The following TRANK1 variants were observed in gnomAD, a reference collection of about 807,000 sequenced individuals.
The protein encoded by TRANK1 is tetratricopeptide repeat and ankyrin repeat containing 1, also known as TPR and ankyrin repeat-containing protein 1.
In TRANK1, 198 loss-of-function variants were observed where a neutral mutation model predicts 266.0. The observed-to-expected ratio is 0.74, with a 90% CI of 0.66 to 0.84. The LOEUF is 0.84. TRANK1 is among the 40% of genes least tolerant of loss of function. TRANK1 has a pLI of 0.00. For synonymous variants in TRANK1, 1,396 were observed against 1,384.1 expected (o/e 1.01, Z -0.19); for missense variants, 3,326 against 3,634.6 (o/e 0.92, Z 2.18).
intron 4 of TRANK1, 37 bp from the exon 5 acceptor site, chr3:36,895,795 G>C: frequency 7.2e-7 from 1 of 1,397,836 alleles, no homozygotes; most frequent in Non-Finnish European, 9.7e-7. Flanking sequence ...ATTTTAATGT[G>C]GGGAAAGTCT....
At chr3:36,932,070 G>C (rs2080367454) in intron 1 of TRANK1, among the ~76,000 whole-genome samples, 1 of 152,200 alleles carries the variant, frequency 6.6e-6, no homozygotes, top group South Asian at 2.1e-4. Flanking sequence ...CTTTAGTGCA[G>C]TTTTATGTAA....
At chr3:36,911,762 T>A (rs1295393231) in intron 1 of TRANK1, among the ~76,000 whole-genome samples, 1 of 152,196 alleles carries the variant, frequency 6.6e-6, no homozygotes, top group Non-Finnish European at 1.5e-5. Flanking sequence ...ACTGACCAAC[T>A]GATGATTTAT....
chr3:36,937,062 ACTCCAGCC>A (rs1172436787), intron 1 of TRANK1, among the ~76,000 whole-genome samples: 2 of 152,190 alleles, frequency 1.3e-5, no homozygotes, highest in Admixed American at 1.3e-4. Context: ...ATGCCACTGC[ACTCCAGCC>A]TGGGTGACAG....
At chr3:36,934,663 G>C (rs929597767) in intron 1 of TRANK1, among the ~76,000 whole-genome samples, 2 of 152,144 alleles carry the variant, frequency 1.3e-5, no homozygotes, top group African/African-American at 4.8e-5. Context: ...TTCATTCCAG[G>C]TGGCCACAAG....
At chr3:36,882,685 C>T (rs185331765) in intron 8 of TRANK1, among the ~76,000 whole-genome samples, 1 of 152,108 alleles carries the variant, frequency 6.6e-6, no homozygotes, top group East Asian at 1.9e-4. Context: ...TGACAAAAAA[C>T]AACAAAGTCA....
Position 36,864,427 on chromosome 3 carries a change from A to T in TRANK1, c.1132T>A (p.Leu378Met). ...TTCATATACTTCACCAGCTGCTCCA[A>T]GACCTTCCTGAAAATGTCGTTTTCA... ...TSENDIFRKV[L>M]EQLVKYMNSG... Residue 378 changes from leucine (L) to methionine (M), a missense_variant, in exon 10 of 24, where the codon TTG becomes ATG. Physicochemically the swap from Leu to Met is conservative, Grantham distance 15. Transcript: ENST00000645898. 6.5e-7 allele frequency: 1 copy of T among 1,536,710 alleles called. No homozygotes were observed. The highest frequency in any genetic ancestry group is 8.7e-7 in the Non-Finnish European group (1 of 1,146,716).
chr3:36,936,458 C>A (rs1451155890), intron 1 of TRANK1, among the ~76,000 whole-genome samples: 2 of 151,396 alleles, frequency 1.3e-5, no homozygotes, highest in African/African-American at 4.9e-5. Context: ...TGCACTCCAG[C>A]CTGGGTGACA....
At chr3:36,834,639 T>G (rs1428815662) in intron 21 of TRANK1, 123 bp downstream of exon 21, 2 of 1,145,950 alleles carry the variant, frequency 1.7e-6, no homozygotes, top group Non-Finnish European at 2.4e-6. Context: ...ATCGCTTAAG[T>G]GGAAAGGGAG....
intron 18 of TRANK1, among the ~76,000 whole-genome samples, chr3:36,842,321 A>C (rs1414843747): frequency 2.0e-5 from 3 of 152,272 alleles, no homozygotes; most frequent in Non-Finnish European, 4.4e-5. Context: ...GGCATAGAGT[A>C]CAGGAGGGAA....
chr3:36,879,328 C>G (rs2079438610), intron 8 of TRANK1, among the ~76,000 whole-genome samples: 1 of 151,222 alleles, frequency 6.6e-6, no homozygotes, highest in Admixed American at 6.6e-5. Flanking sequence ...AATAATATAC[C>G]ATGGTATTGA....
At position 36,889,488 on chromosome 3, in the gene TRANK1, C is replaced by T. The variant is rs529936169; in HGVS notation, c.907+341G>A. 2.0e-5 allele frequency among the ~76,000 whole-genome samples: 3 copies of T among 152,288 alleles called. No homozygotes were observed. In the East Asian group the frequency reaches 5.8e-4, roughly 29 times the overall value. On this transcript the variant is annotated intron_variant, in intron 8 of 23. Coordinates refer to ENST00000645898, the MANE Select transcript of TRANK1 (RefSeq NM_001329998.2). The stretch of plus-strand genomic sequence containing the variant: ...TCAGTTCACAATTCCTCTCTACCAG[C>T]TAACACAGATTTGGCATAAAATAAA...
Position 36,879,563 on chromosome 3 carries a change from TAAATATATAAATATATATAAATATAC to T in TRANK1, c.908-5293_908-5268del, listed in dbSNP as rs1559447861. 6.6e-4 allele frequency among the ~76,000 whole-genome samples: 70 copies of T among 106,656 alleles called. 11 individuals carry two copies. Among genetic ancestry groups the T allele is most frequent in the African/African-American group, 1.5e-3 (37 of 24,420 alleles). The allele number at this position is 106,656 out of a possible 152,430, so 70.0% of individuals were successfully genotyped here. ...GTATAAATATATCTATATAAATATA[TAAATATATAAATATATATAAATATAC>T]AAATATATAAATATATATAAATATA... On this transcript the variant is annotated intron_variant, in intron 8 of 23. Transcript: ENST00000645898.
At chr3:36,917,739 A>T (rs566880231) in intron 1 of TRANK1, among the ~76,000 whole-genome samples, 1 of 152,218 alleles carries the variant, frequency 6.6e-6, no homozygotes, top group Non-Finnish European at 1.5e-5. Context: ...TGCATTCTCA[A>T]TGGGGCAATA....
At chr3:36,918,089 C>T (rs2080151214) in intron 1 of TRANK1, among the ~76,000 whole-genome samples, 1 of 152,046 alleles carries the variant, frequency 6.6e-6, no homozygotes, top group Non-Finnish European at 1.5e-5. Context: ...GAAGGAAATC[C>T]TGACACAAGA....
At position 36,832,388 on chromosome 3, in the gene TRANK1, T is replaced by C. The variant is rs766517165; in HGVS notation, c.7195A>G (p.Met2399Val). 1.2e-6 allele frequency: 2 copies of C among 1,614,014 alleles called. No homozygotes were observed. The highest frequency in any genetic ancestry group is 4.5e-5 in the East Asian group (2 of 44,888). Residue 2399 changes from methionine (M) to valine (V), a missense_variant, in exon 22 of 24, where the codon ATG becomes GTG. Transcript: ENST00000645898. ...MLAPNRDDENMDKTHLCFIRL... is the reference protein window; with the variant it reads ...MLAPNRDDENVDKTHLCFIRL... ...ATGAAGCACAGGTGGGTCTTGTCCA[T>C]ATTTTCATCATCCCTGTTGGGTGCC...
At chr3:36,889,503 C>T (rs1189886007) in intron 8 of TRANK1, among the ~76,000 whole-genome samples, 1 of 152,160 alleles carries the variant, frequency 6.6e-6, no homozygotes, top group Non-Finnish European at 1.5e-5. Flanking sequence ...ACAGATTTGG[C>T]ATAAAATAAA....
At position 36,847,215 on chromosome 3, in the gene TRANK1, A is replaced by G; in HGVS notation, c.5019T>C (p.Asn1673=). 4 of 1,612,616 alleles carry G rather than the reference A, an allele frequency of 2.5e-6. No homozygotes were observed. The highest frequency in any genetic ancestry group is 3.4e-6 in the Non-Finnish European group (4 of 1,179,184). The change falls in exon 16 of 24, where the codon AAT becomes AAC. Residue 1673 remains asparagine, a synonymous_variant. Coordinates refer to ENST00000645898, the MANE Select transcript of TRANK1 (RefSeq NM_001329998.2). The part of the protein sequence containing the change: ...GSSQGRSLMV[N]PEMYKLLNGE... ...AGAAATTCACCTTGTACATTTCTGG[A>G]TTCACCATGAGAGATCGACCCTGAG... is the stretch of plus-strand genomic sequence containing the variant.
intron 2 of TRANK1, 118 bp downstream of exon 2, chr3:36,908,205 A>G (rs2080001449): frequency 9.0e-7 from 1 of 1,116,720 alleles, no homozygotes; most frequent in Non-Finnish European, 1.1e-6. Flanking sequence ...GATAAATAGG[A>G]AGTGAGCAAT....
intron 9 of TRANK1, among the ~76,000 whole-genome samples, chr3:36,864,980 C>A (rs1445661944): frequency 2.7e-5 from 4 of 150,666 alleles, no homozygotes; most frequent in African/African-American, 9.8e-5. Flanking sequence ...GATCAGGAGC[C>A]AAATAAATGC....
Sources: allele counts gnomAD v4.1 joint callset (sites outside exome capture counted in the v4.1 genomes callset), GRCh38; gene constraint gnomAD v4.1.1; transcripts MANE v1.5; gene names NCBI Gene and HGNC (gene_info 2026-07-23, HGNC 2026-07-21).